SLC30A10: variants seen among roughly 807,000 people sequenced by gnomAD.
SLC30A10 encodes the protein solute carrier family 30 member 10, also known as calcium/manganese antiporter SLC30A10.
SLC30A10 carries 8 observed loss-of-function variants against 21.7 expected under a neutral mutation model. That is an observed-to-expected ratio of 0.37 (90% confidence interval 0.22 to 0.67). The LOEUF is 0.67. SLC30A10 is among the 30% of genes least tolerant of loss of function. SLC30A10 has a pLI of 0.58. For missense variants in SLC30A10, 521 were observed against 642.5 expected, an observed-to-expected ratio of 0.81 and a Z score of 2.04; for synonymous variants, 272 against 279.4, an observed-to-expected ratio of 0.97 and a Z score of 0.26.
intron 1 of SLC30A10, among the ~76,000 whole-genome samples, chr1:219,940,095 G>C (rs1481168699): frequency 6.6e-6 from 1 of 152,178 alleles, no homozygotes; most frequent in Non-Finnish European, 1.5e-5. Context: ...CTTCCATCTT[G>C]TCACTTGCTT....
chr1:219,922,162 G>GTA (rs1659700949), intron 2 of SLC30A10, among the ~76,000 whole-genome samples: 2 of 13,696 alleles, frequency 1.5e-4, no homozygotes, highest in Admixed American at 9.7e-4. Context: ...TCTTGTTTGT[G>GTA]TGTGTGTGTG....
At chr1:219,945,443 A>T (rs1571811874) in intron 1 of SLC30A10, among the ~76,000 whole-genome samples, 1 of 152,352 alleles carries the variant, frequency 6.6e-6, no homozygotes, top group East Asian at 1.9e-4. Flanking sequence ...AATTTTAAAA[A>T]ATTGAATGGG....
chr1:219,916,687 A>G (rs1459600754), intron 3 of SLC30A10, among the ~76,000 whole-genome samples: 1 of 152,154 alleles, frequency 6.6e-6, no homozygotes, highest in Non-Finnish European at 1.5e-5. Flanking sequence ...ATGAGTATGT[A>G]TTTAGAGAGA....
chr1:219,915,657 G>T lies in SLC30A10; in HGVS notation c.1250C>A (p.Pro417His). Residue 417 changes from proline to histidine, a missense_variant, in exon 4 of 4, where the codon CCC becomes CAC. By Grantham distance (77) the Pro-to-His change is moderately conservative. Coordinates refer to ENST00000366926, the MANE Select transcript of SLC30A10 (RefSeq NM_018713.3). ...GACGTGAGCCAGAGGCAGTGCCCCG[G>T]GGGGACAACACAGCTGCTTAGCACA... Reference protein sequence around the residue: ...KGCAKQLCCPPGALPLAHVNG... With the variant: ...KGCAKQLCCPHGALPLAHVNG... 6.2e-7 allele frequency: 1 copy of T among 1,614,242 alleles called. No individual in the cohort carries two copies. The highest frequency in any genetic ancestry group is 8.5e-7 in the Non-Finnish European group (1 of 1,180,040).
intron 1 of SLC30A10, 127 bp downstream of exon 1, chr1:219,927,674 A>AAAAAAAAG (rs1659869971): frequency 1.8e-6 from 1 of 566,598 alleles, no homozygotes; most frequent in Non-Finnish European, 2.3e-6. Flanking sequence ...AAAAACAACA[A>AAAAAAAAG]CAACAAAAAA....
At position 219,912,051 on chromosome 1, in the gene SLC30A10, C is replaced by A. The variant is rs900265668; in HGVS notation, c.*3398G>T. ...CAAAAGCTCTTATGACCTCACAGGG[C>A]AGCTGTCTTATTGTAATCCCAAATC... On this transcript the variant is annotated 3_prime_UTR_variant, in exon 4 of 4. Transcript: ENST00000366926. 5.3e-5 allele frequency among the ~76,000 whole-genome samples: 8 copies of A among 151,720 alleles called. No individual in the cohort carries two copies. Among genetic ancestry groups the A allele is most frequent in the African/African-American group, 1.7e-4 (7 of 41,270 alleles).
At chr1:219,927,175 C>A in intron 1 of SLC30A10, 70 bp from the exon 2 acceptor site, 1 of 1,514,772 alleles carries the variant, frequency 6.6e-7, no homozygotes, top group South Asian at 1.1e-5. Flanking sequence ...CCAATGGACT[C>A]AAAATAAAGT....
At chr1:219,946,431 A>T (rs1469651407) in intron 1 of SLC30A10, among the ~76,000 whole-genome samples, 1 of 152,200 alleles carries the variant, frequency 6.6e-6, no homozygotes, top group African/African-American at 2.4e-5. Flanking sequence ...CTGTTCATCT[A>T]GTCCTTCCAG....
intron 1 of SLC30A10, among the ~76,000 whole-genome samples, chr1:219,944,097 T>C (rs1660153610): frequency 7.7e-6 from 1 of 129,602 alleles, no homozygotes; most frequent in Non-Finnish European, 1.6e-5. Context: ...GAGACTCATC[T>C]CAAAAAAAAA....
chr1:219,917,941 G>A (rs1659585312), intron 3 of SLC30A10, among the ~76,000 whole-genome samples: 1 of 152,038 alleles, frequency 6.6e-6, no homozygotes, highest in South Asian at 2.1e-4. Context: ...TTGAACTTCT[G>A]ACCTCAGGTG....
chr1:219,920,634 GCTAA>G (rs772761720), intron 2 of SLC30A10, among the ~76,000 whole-genome samples: 23 of 152,100 alleles, frequency 1.5e-4, no homozygotes, highest in African/African-American at 4.8e-4. Context: ...TTATTATTAT[GCTAA>G]CTAACACATA....
intron 1 of SLC30A10, among the ~76,000 whole-genome samples, chr1:219,935,083 T>A (rs1660029064): frequency 6.6e-6 from 1 of 151,252 alleles, no homozygotes; most frequent in African/African-American, 2.5e-5. Flanking sequence ...ATCCTCCTGA[T>A]GGGTGAACAG....
At chr1:219,919,069 A>T (rs2102527103) in intron 2 of SLC30A10, 1 of 152,362 alleles carries the variant, frequency 6.6e-6, no homozygotes, top group East Asian at 1.9e-4. Context: ...TTTCCATTGC[A>T]TAAAGAGCCA....
chr1:219,928,241 C>G lies in SLC30A10; in HGVS notation c.200G>C (p.Gly67Ala). 6.3e-7 allele frequency: 1 copy of G among 1,575,094 alleles called. No individual in the cohort carries two copies. Among genetic ancestry groups the G allele is most frequent in the Non-Finnish European group, 8.6e-7 (1 of 1,160,998 alleles). ...AGYIARRPTR[G>A]FSATYGYARA... ...GGCGTAGCCGTAGGTGGCGCTGAAG[C>G]CCCGGGTGGGGCGCCGGGCGATGTA... is the stretch of plus-strand genomic sequence containing the variant. The change falls in exon 1 of 4, where the codon GGC becomes GCC. Residue 67 changes from glycine to alanine, a missense_variant. By Grantham distance (60) the Gly-to-Ala change is moderately conservative (BLOSUM62 0). Transcript: ENST00000366926. The surrounding 1 kb of genome is among the most constrained non-coding windows in gnomAD (Gnocchi z 6.3).
intron 1 of SLC30A10, among the ~76,000 whole-genome samples, chr1:219,944,915 C>T (rs1057199093): frequency 6.6e-6 from 1 of 152,148 alleles, no homozygotes; most frequent in Non-Finnish European, 1.5e-5. Context: ...CTAAACACAC[C>T]ACTTAAAAGA....
At chr1:219,917,694 C>CT (rs1162926332) in intron 3 of SLC30A10, among the ~76,000 whole-genome samples, 18 of 133,784 alleles carry the variant, frequency 1.3e-4, no homozygotes, top group Admixed American at 5.3e-4. Flanking sequence ...GCATTCTTTT[C>CT]TTTTTTTTCT....
intron 1 of SLC30A10, among the ~76,000 whole-genome samples, chr1:219,955,285 G>A (rs915249805): frequency 2.0e-5 from 3 of 151,994 alleles, no homozygotes; most frequent in East Asian, 1.9e-4. Context: ...CTTAATGCTC[G>A]TATTTTTTAC....
intron 2 of SLC30A10, among the ~76,000 whole-genome samples, chr1:219,923,418 C>T (rs1013276909): frequency 2.6e-5 from 4 of 152,108 alleles, no homozygotes; most frequent in Non-Finnish European, 5.9e-5. Context: ...TGATGTGTCC[C>T]AGCACTTAGG....
At position 219,912,411 on chromosome 1, in the gene SLC30A10, C is replaced by A. The variant is rs1383432092; in HGVS notation, c.*3038G>T. ...CAGACAGTATTTCCTATGGCCAATGCTAAAATAATGTGGAAAGGACTGTTT... is the reference window on the plus strand; with the variant it reads ...CAGACAGTATTTCCTATGGCCAATGATAAAATAATGTGGAAAGGACTGTTT... On this transcript the variant is annotated 3_prime_UTR_variant, in exon 4 of 4. Transcript: ENST00000366926. Among the ~76,000 whole-genome samples, 1 of 152,000 alleles carries A rather than the reference C, an allele frequency of 6.6e-6. No homozygotes were observed. The highest frequency in any genetic ancestry group is 1.9e-4 in the East Asian group (1 of 5,192).
Sources: gnomAD v4.1 joint callset for allele counts (sites outside exome capture counted in the v4.1 genomes callset) on GRCh38, gnomAD v4.1.1 for gene constraint, Gnocchi (gnomAD v3.1) non-coding constraint, MANE v1.5 for transcripts, NCBI Gene and HGNC (gene_info 2026-07-23, HGNC 2026-07-21) for gene names.